The following FBXL3 variants were observed in gnomAD, a reference collection of about 807,000 sequenced individuals.
FBXL3 encodes the protein F-box and leucine rich repeat protein 3.
In FBXL3, 14 loss-of-function variants were observed where a neutral mutation model predicts 37.9. The ratio of observed to expected loss-of-function variants is 0.37; its 90% confidence interval spans 0.24 to 0.58. The LOEUF (loss-of-function observed/expected upper bound fraction) is 0.58, where lower values mean the gene tolerates loss of function less well. Ranked by LOEUF, FBXL3 falls within the 20% of genes least tolerant of loss-of-function variation. FBXL3 has a pLI of 0.74. For synonymous variants in FBXL3, 194 were observed against 180.1 expected (o/e 1.08, Z -0.62); for missense variants, 327 against 511.1 (o/e 0.64, Z 3.47).
At chr13:77,015,383 T>C in intron 4 of FBXL3, 26 bp downstream of exon 4, 2 of 1,485,532 alleles carry the variant, frequency 1.3e-6, no homozygotes, top group Non-Finnish European at 1.8e-6. Context: ...TTTACTAAAA[T>C]GTGTCTAGCA....
At chr13:77,008,486 A>G (rs2034490873) in intron 4 of FBXL3, 1 of 152,224 alleles carries the variant, frequency 6.6e-6, no homozygotes, top group South Asian at 2.1e-4. Context: ...GCCATGCTTT[A>G]TAACTTACCA....
chr13:77,011,962 G>A (rs1252524291), intron 4 of FBXL3, among the ~76,000 whole-genome samples: 2 of 152,136 alleles, frequency 1.3e-5, no homozygotes, highest in East Asian at 1.9e-4. Context: ...CCATATGTCC[G>A]CACAAAATTT....
intron 1 of FBXL3, chr13:77,026,359 C>A (rs2034837885): frequency 2.0e-6 from 2 of 985,298 alleles, no homozygotes; most frequent in Non-Finnish European, 2.4e-6. Context: ...GACTGGCTTC[C>A]CCTGACATTT....
At chr13:77,014,075 T>C (rs2034601896) in intron 4 of FBXL3, 1 of 152,234 alleles carries the variant, frequency 6.6e-6, no homozygotes, top group Non-Finnish European at 1.5e-5. Flanking sequence ...AGAAGTTCCC[T>C]TCTCCTACGT....
intron 4 of FBXL3, chr13:77,013,416 A>G (rs2034588961): frequency 6.6e-6 from 1 of 152,214 alleles, no homozygotes; most frequent in Admixed American, 6.5e-5. Flanking sequence ...TCTGGCTCCA[A>G]GAGTCTGAAC....
intron 4 of FBXL3, chr13:77,009,275 A>C (rs1210042721): frequency 6.6e-6 from 1 of 152,132 alleles, no homozygotes; most frequent in African/African-American, 2.4e-5. Context: ...AAAAGAGAGT[A>C]ATGTCTCAGT....
chr13:77,023,555 C>T (rs77354228), intron 1 of FBXL3, among the ~76,000 whole-genome samples: 21 of 152,172 alleles, frequency 1.4e-4, no homozygotes, highest in Non-Finnish European at 2.5e-4. Context: ...ACCGTGTAAT[C>T]GGACTTTTTG....
chr13:77,025,687 CAAAAA>C (rs35934318), intron 1 of FBXL3, among the ~76,000 whole-genome samples: 24 of 73,966 alleles, frequency 3.2e-4, no homozygotes, highest in Admixed American at 1.6e-3. Context: ...GTCCTTGTCT[CAAAAA>C]AAAAAAAAAA....
At chr13:77,014,563 T>C (rs2034611071) in intron 4 of FBXL3, 1 of 152,180 alleles carries the variant, frequency 6.6e-6, no homozygotes, top group South Asian at 2.1e-4. Context: ...CTTGGGAGAA[T>C]GAGCAAGCAA....
intron 4 of FBXL3, chr13:77,010,116 T>C (rs908881953): frequency 6.6e-6 from 1 of 151,954 alleles, no homozygotes; most frequent in Non-Finnish European, 1.5e-5. Flanking sequence ...GTTGGGGGGC[T>C]AGGGGAGGAA....
intron 4 of FBXL3, among the ~76,000 whole-genome samples, chr13:77,011,684 C>T (rs1325680218): frequency 6.7e-6 from 1 of 149,370 alleles, no homozygotes; most frequent in Non-Finnish European, 1.5e-5. Flanking sequence ...GATCACGCCA[C>T]TCCACTCCAG....
At position 77,021,195 on chromosome 13, in the gene FBXL3, A is replaced by C. The variant is rs375640288; in HGVS notation, c.348+318T>G. Among the ~76,000 whole-genome samples, 104 of 152,228 alleles carry C rather than the reference A, an allele frequency of 6.8e-4. 2 individuals are homozygous for C. Among genetic ancestry groups the C allele is most frequent in the African/African-American group, 7.2e-4 (30 of 41,502 alleles). The stretch of plus-strand genomic sequence containing the variant: ...AAGCTCTACTCAATTATAATCTCCC[A>C]ATTTTTATTTTATTAGATATTTCTT... On this transcript the variant is annotated intron_variant, in intron 2 of 4. Coordinates refer to ENST00000355619, the MANE Select transcript of FBXL3 (RefSeq NM_012158.4).
At chr13:77,022,576 A>T (rs1355706585) in intron 1 of FBXL3, among the ~76,000 whole-genome samples, 1 of 152,226 alleles carries the variant, frequency 6.6e-6, no homozygotes, top group Non-Finnish European at 1.5e-5. Context: ...TGCCACGGAC[A>T]GGCACTGGGC....
At chr13:77,013,830 T>C (rs1264018251) in intron 4 of FBXL3, 2 of 152,154 alleles carry the variant, frequency 1.3e-5, no homozygotes, top group African/African-American at 2.4e-5. Context: ...GGTGAACCCA[T>C]TGGGCGGATC....
Position 77,021,497 on chromosome 13 carries a change from G to T in FBXL3, c.348+16C>A. ...AAAAATACTTTATTTTTTAAAAGAAGGATTTAAAATATTACCTTGAAGCTG... is the reference window on the plus strand; with the variant it reads ...AAAAATACTTTATTTTTTAAAAGAATGATTTAAAATATTACCTTGAAGCTG... On this transcript the variant is annotated intron_variant, in intron 2 of 4. Transcript: ENST00000355619. 1.3e-6 allele frequency: 2 copies of T among 1,551,076 alleles called. No individual in the cohort carries two copies. Among genetic ancestry groups the T allele is most frequent in the South Asian group, 1.2e-5 (1 of 85,668 alleles).
chr13:77,023,345 A>AGAGTGTGTGTGT (rs199568005), intron 1 of FBXL3, among the ~76,000 whole-genome samples: 49 of 147,598 alleles, frequency 3.3e-4, no homozygotes, highest in African/African-American at 1.1e-3. Context: ...AGAGAGAGAG[A>AGAGTGTGTGTGT]GTGTGTGTGT....
chr13:77,007,840 G>C (rs759353247), intron 4 of FBXL3, 52 bp from the exon 5 acceptor site: 1 of 1,483,124 alleles, frequency 6.7e-7, no homozygotes, highest in East Asian at 2.3e-5. Context: ...TTTATCTGTT[G>C]AAAAATTCAA....
intron 3 of FBXL3, chr13:77,017,680 T>A (rs527993466): frequency 1.4e-4 from 21 of 152,322 alleles, no homozygotes; most frequent in Admixed American, 1.2e-3. Flanking sequence ...TTATTTTATA[T>A]GTGAAGAAAA....
chr13:77,024,078 T>C (rs1166906104), intron 1 of FBXL3, among the ~76,000 whole-genome samples: 1 of 152,360 alleles, frequency 6.6e-6, no homozygotes, highest in South Asian at 2.1e-4. Flanking sequence ...AGCAAGAAGG[T>C]AGTCTGATGG....
Sources: allele counts gnomAD v4.1 joint callset (sites outside exome capture counted in the v4.1 genomes callset), GRCh38; gene constraint gnomAD v4.1.1; transcripts MANE v1.5; gene names NCBI Gene and HGNC (gene_info 2026-07-23, HGNC 2026-07-21).